Variants in POLR3B observed in about 807,000 individuals in gnomAD.
POLR3B encodes DNA-directed RNA polymerase III subunit RPC2.
In POLR3B, 96 loss-of-function variants were observed where a neutral mutation model predicts 147.4. The ratio of observed to expected loss-of-function variants is 0.65; its 90% CI spans 0.55 to 0.77. The LOEUF (loss-of-function observed/expected upper bound fraction) is 0.77, where lower values mean the gene tolerates loss of function less well. POLR3B is among the 30% of genes least tolerant of loss of function. The pLI, the probability that POLR3B is intolerant of heterozygous loss-of-function variation, is 0.00. For synonymous variants in POLR3B, 461 were observed against 485.9 expected (o/e 0.95, Z 0.67); for missense variants, 1,036 against 1,413.5 (o/e 0.73, Z 4.28).
intron 11 of POLR3B, among the ~76,000 whole-genome samples, chr12:106,406,883 T>A (rs1408009033): frequency 1.3e-5 from 2 of 152,182 alleles, no homozygotes; most frequent in Non-Finnish European, 2.9e-5. Context: ...TGTAGTGAGT[T>A]ATCATGTGTT....
chr12:106,478,267 G>A (rs2038211148), intron 23 of POLR3B, among the ~76,000 whole-genome samples: 1 of 152,080 alleles, frequency 6.6e-6, no homozygotes, highest in Admixed American at 6.6e-5. Context: ...GAAAATACAG[G>A]CGTCTAGGTA....
intron 1 of POLR3B, 51 bp downstream of exon 1, chr12:106,358,002 G>A (rs576825284): frequency 3.7e-6 from 6 of 1,600,936 alleles, no homozygotes; most frequent in African/African-American, 1.3e-5. Flanking sequence ...CGCCCTGAGG[G>A]GGCGTTGCCC....
intron 23 of POLR3B, among the ~76,000 whole-genome samples, chr12:106,465,694 T>C (rs1182810234): frequency 2.6e-5 from 4 of 152,206 alleles, no homozygotes; most frequent in South Asian, 4.1e-4. Flanking sequence ...CTCCGACTTA[T>C]GAGTGAGAAC....
At chr12:106,413,002 T>C (rs1399454567) in intron 12 of POLR3B, among the ~76,000 whole-genome samples, 2 of 152,168 alleles carry the variant, frequency 1.3e-5, no homozygotes, top group East Asian at 3.9e-4. Context: ...GTTGTTGAGT[T>C]GTAGGAGTTC....
intron 23 of POLR3B, among the ~76,000 whole-genome samples, chr12:106,479,331 A>G (rs1278631130): frequency 6.6e-6 from 1 of 150,420 alleles, no homozygotes; most frequent in East Asian, 1.9e-4. Flanking sequence ...TAAACCTATC[A>G]TATTTTAAAT....
chr12:106,369,455 T>A, intron 5 of POLR3B, 105 bp downstream of exon 5: 1 of 957,684 alleles, frequency 1.0e-6, no homozygotes, highest in South Asian at 1.3e-5. Context: ...GGGGGGGACA[T>A]TCTTTGGAGA....
rs369983455 is a variant in POLR3B, at chr12:106,496,039, A to G, written c.2714-16A>G. 5 of 1,508,952 alleles carry G rather than the reference A, an allele frequency of 3.3e-6. No individual in the cohort carries two copies. In the African/African-American group the frequency reaches 6.9e-5, roughly 21 times the overall value. 93.5% of individuals were successfully genotyped at this position (1,508,952 alleles called of 1,614,324 possible). On this transcript the variant is annotated splice_polypyrimidine_tract_variant and intron_variant, in intron 23 of 27. Transcript: ENST00000228347. ...GCCAACTTGCTTTATGTGGCATGAA[A>G]TCTTCTCTCCCCCAGGTGTTTGTGG...
At chr12:106,503,156 A>T (rs546955852) in intron 26 of POLR3B, among the ~76,000 whole-genome samples, 5 of 152,288 alleles carry the variant, frequency 3.3e-5, no homozygotes, top group Admixed American at 3.3e-4. Context: ...TTCCACTATA[A>T]TGTGTTTATT....
In POLR3B at chr12:106,429,529, C is replaced by T. The variant is rs775199581; in HGVS notation, c.1264-744C>T. ...AAAAATTTCTAATCTTAATCTTTAT[C>T]CTTGAGAATATTTTTAATGTATACA... On this transcript the variant is annotated intron_variant, in intron 13 of 27. Transcript: ENST00000228347. Among the ~76,000 whole-genome samples, 45 of 151,702 alleles carry T rather than the reference C, an allele frequency of 3.0e-4. 1 individual carries two copies. Among genetic ancestry groups the T allele is most frequent in the African/African-American group, 1.1e-3 (44 of 41,288 alleles).
intron 23 of POLR3B, among the ~76,000 whole-genome samples, chr12:106,488,233 G>A (rs1592770853): frequency 6.6e-6 from 1 of 152,316 alleles, no homozygotes; most frequent in Non-Finnish European, 1.5e-5. Context: ...TTTGGGCATT[G>A]TGAGGTCAGT....
chr12:106,366,856 C>A, intron 4 of POLR3B, 134 bp downstream of exon 4: 1 of 743,138 alleles, frequency 1.3e-6, no homozygotes, highest in Non-Finnish European at 2.3e-6. Context: ...TAATACCAAG[C>A]ACTTTGGGAG....
intron 8 of POLR3B, among the ~76,000 whole-genome samples, chr12:106,379,504 T>C (rs186549305): frequency 2.0e-5 from 3 of 152,348 alleles, no homozygotes; most frequent in Admixed American, 1.3e-4. Context: ...ATGTGGTTGA[T>C]TAGAGCTTTT....
intron 12 of POLR3B, among the ~76,000 whole-genome samples, chr12:106,411,294 G>A (rs1357667058): frequency 2.0e-5 from 3 of 151,950 alleles, no homozygotes; most frequent in South Asian, 2.1e-4. Flanking sequence ...ATGTGCCACC[G>A]TGCCCGGCTA....
rs762393232 is a variant in POLR3B, at chr12:106,427,447, G to T, written c.1263+89G>T. 15 of 1,162,296 alleles carry T rather than the reference G, an allele frequency of 1.3e-5. No homozygotes were observed. In the East Asian group the frequency reaches 3.1e-4, roughly 24 times the overall value. The allele number at this position is 1,162,296 out of a possible 1,614,324, so 72.0% of individuals were successfully genotyped here. On this transcript the variant is annotated intron_variant, in intron 13 of 27. Transcript: ENST00000228347. ...AAACTTAAAGCACTTTGAGAATCCAGGTGAAATATATATATCAAAACGAAT... is the reference window on the plus strand; with the variant it reads ...AAACTTAAAGCACTTTGAGAATCCATGTGAAATATATATATCAAAACGAAT...
At chr12:106,426,583 G>A (rs2136998003) in intron 12 of POLR3B, among the ~76,000 whole-genome samples, 1 of 152,164 alleles carries the variant, frequency 6.6e-6, no homozygotes, top group East Asian at 1.9e-4. Flanking sequence ...CCAAAGTGCT[G>A]GGATTACAGG....
In POLR3B at chr12:106,430,457, A is replaced by G; in HGVS notation, c.1448A>G (p.Asp483Gly). 6.2e-7 allele frequency: 1 copy of G among 1,612,490 alleles called. No homozygotes were observed. Reference protein sequence around the residue: ...PSQWGMLCPSDTPEGEACGLV... With the variant: ...PSQWGMLCPSGTPEGEACGLV... ...CAGTGGGGAATGCTGTGTCCTTCGG[A>G]CACTCCTGAAGGAGAGGTAAGGAAT... The change falls in exon 14 of 28, where the codon GAC (aspartate) becomes GGC (glycine). Residue 483 changes from aspartate (D) to glycine (G), a missense_variant. Asp to Gly is a moderately conservative substitution (Grantham distance 94). This residue lies in a region of POLR3B where 177 missense variants were observed against 232.7 expected (regional missense o/e 0.76). Coordinates refer to ENST00000228347, the MANE Select transcript of POLR3B (RefSeq NM_018082.6).
At chr12:106,493,437 T>C (rs1290706152) in intron 23 of POLR3B, among the ~76,000 whole-genome samples, 2 of 152,226 alleles carry the variant, frequency 1.3e-5, no homozygotes, top group Non-Finnish European at 2.9e-5. Context: ...GATTGAGAAC[T>C]CTCTTTCTAC....
rs769449563 is a variant in POLR3B at position 106,504,269 on chromosome 12, T to C, written c.3272+15T>C. 5.6e-6 allele frequency: 9 copies of C among 1,602,884 alleles called. No homozygotes were observed. The highest frequency in any genetic ancestry group is 7.7e-6 in the Non-Finnish European group (9 of 1,169,790). Reference sequence around the variant, plus strand: ...TATTCTGGCTGGTAAGTGGATACCATATGTCTCCCATACCACACCCCTTGC... The same window carrying C: ...TATTCTGGCTGGTAAGTGGATACCACATGTCTCCCATACCACACCCCTTGC... On this transcript the variant is annotated intron_variant, in intron 27 of 27. Transcript: ENST00000228347. This position sits in a 1 kb window ranked among gnomAD's most constrained non-coding sequence, Gnocchi z 4.6.
At chr12:106,478,334 T>C (rs1001807691) in intron 23 of POLR3B, among the ~76,000 whole-genome samples, 1 of 152,182 alleles carries the variant, frequency 6.6e-6, no homozygotes, top group Admixed American at 6.5e-5. Flanking sequence ...ATATGATTGG[T>C]ATAATGTTCA....
Sources: allele counts gnomAD v4.1 joint callset (sites outside exome capture counted in the v4.1 genomes callset), GRCh38; gene constraint gnomAD v4.1.1; regional missense constraint gnomAD v4.1.1; non-coding constraint Gnocchi (gnomAD v3.1); transcripts MANE v1.5; gene names NCBI Gene and HGNC (gene_info 2026-07-23, HGNC 2026-07-21).